Variants in FNBP1 observed in about 807,000 individuals in gnomAD.
FNBP1 encodes the protein formin-binding protein 1.
A neutral mutation model predicts 90.6 loss-of-function variants in FNBP1; 26 were observed. That is an observed-to-expected ratio of 0.29 (90% CI 0.21 to 0.40). The LOEUF is 0.40. Ranked by LOEUF, FNBP1 falls within the 10% of genes least tolerant of loss-of-function variation. FNBP1 has a pLI of 1.00. For missense variants in FNBP1, 635 were observed against 768.0 expected, an observed-to-expected ratio of 0.83 and a Z score of 2.05; for synonymous variants, 260 against 265.2, an observed-to-expected ratio of 0.98 and a Z score of 0.19.
chr9:129,935,723 G>A (rs1283827810), intron 6 of FNBP1, among the ~76,000 whole-genome samples: 4 of 151,878 alleles, frequency 2.6e-5, no homozygotes, highest in East Asian at 1.9e-4. Context: ...TCCTGACCTC[G>A]TGATCCGCCT....
At chr9:129,930,133 T>C (rs2042522737) in intron 6 of FNBP1, among the ~76,000 whole-genome samples, 1 of 151,892 alleles carries the variant, frequency 6.6e-6, no homozygotes, top group African/African-American at 2.4e-5. Flanking sequence ...CGATCCTGGC[T>C]CACTGCAGCC....
In FNBP1 at chr9:129,900,133, A is replaced by T; in HGVS notation, c.1551-32T>A. On this transcript the variant is annotated intron_variant, in intron 14 of 16. Coordinates refer to ENST00000446176, the MANE Select transcript of FNBP1 (RefSeq NM_015033.3). This position sits in a 1 kb window ranked among gnomAD's most constrained non-coding sequence, Gnocchi z 4.1. The stretch of plus-strand genomic sequence containing the variant: ...AAGAAAGGAAAACACAAAGCAACTA[A>T]AGCGACTGACCCCAGGGAGGACTCA... The T allele has an allele frequency of 6.4e-7, 1 of 1,568,682 alleles. No homozygotes were observed. Among genetic ancestry groups the T allele is most frequent in the South Asian group, 1.2e-5 (1 of 84,462 alleles).
At chr9:130,048,025 A>C (rs575382418), upstream of FNBP1, among the ~76,000 whole-genome samples, 1 of 152,224 alleles carries the variant, frequency 6.6e-6, no homozygotes, top group Non-Finnish European at 1.5e-5. Context: ...CTCATTGAGA[A>C]GACAGGGATC....
intron 1 of FNBP1, among the ~76,000 whole-genome samples, chr9:130,015,353 C>A (rs1377040879): frequency 6.6e-6 from 1 of 152,096 alleles, no homozygotes; most frequent in African/African-American, 2.4e-5. Context: ...ATGAGGAAAA[C>A]CAATAGGTCT....
intron 6 of FNBP1, among the ~76,000 whole-genome samples, chr9:129,944,530 A>G: frequency 8.6e-6 from 1 of 115,836 alleles, no homozygotes; most frequent in Admixed American, 9.8e-5. Context: ...ACAGAGCGAG[A>G]CTGCGTCTCA....
rs1374935886 is a variant in FNBP1 at position 129,923,824 on chromosome 9, G to A, written c.1170+20C>T. On this transcript the variant is annotated intron_variant, in intron 10 of 16. Coordinates refer to ENST00000446176, the MANE Select transcript of FNBP1 (RefSeq NM_015033.3). ...CAACCAAAGCACGCCAGAGAGACAG[G>A]ATTCCGGAGCAGAACTTACCCCACG... 2 of 1,552,014 alleles carry A rather than the reference G, an allele frequency of 1.3e-6. No individual in the cohort carries two copies. Among genetic ancestry groups the A allele is most frequent in the Non-Finnish European group, 1.7e-6 (2 of 1,151,672 alleles).
At chr9:129,897,170 A>T (rs2035921698) in intron 15 of FNBP1, among the ~76,000 whole-genome samples, 1 of 151,968 alleles carries the variant, frequency 6.6e-6, no homozygotes, top group Non-Finnish European at 1.5e-5. Flanking sequence ...GCCGTCTTGG[A>T]TTTCCTCTCC....
At chr9:130,000,053 C>T (rs1350505069) in intron 1 of FNBP1, among the ~76,000 whole-genome samples, 1 of 152,216 alleles carries the variant, frequency 6.6e-6, no homozygotes, top group Non-Finnish European at 1.5e-5. Context: ...CATAGCTTCT[C>T]AAAGGCTAGT....
At chr9:130,043,317 C>T (rs375258071), upstream of FNBP1, 1 of 191,708 alleles carries the variant, frequency 5.2e-6, no homozygotes, top group East Asian at 1.3e-4. Context: ...CTCCCCCGGG[C>T]TCCCCCGGCC....
At chr9:129,953,086 T>TA (rs1444632467) in intron 6 of FNBP1, among the ~76,000 whole-genome samples, 1 of 152,228 alleles carries the variant, frequency 6.6e-6, no homozygotes, top group Non-Finnish European at 1.5e-5. Context: ...TTCAATTACT[T>TA]ACAGAATATT....
chr9:130,028,549 G>C (rs1789093002), intron 1 of FNBP1, among the ~76,000 whole-genome samples: 2 of 151,908 alleles, frequency 1.3e-5, no homozygotes, highest in South Asian at 4.2e-4. Context: ...CTACTTCTAA[G>C]CCTATCAGAA....
intron 6 of FNBP1, among the ~76,000 whole-genome samples, chr9:129,934,605 T>C (rs1157999498): frequency 6.6e-6 from 1 of 151,086 alleles, no homozygotes; most frequent in Non-Finnish European, 1.5e-5. Context: ...AGAGTCTCAC[T>C]CTGTCGCCCA....
rs185208542 is a variant in FNBP1, at chr9:129,890,838, A to C, written c.1847-292T>G. Among the ~76,000 whole-genome samples, 1 of 152,234 alleles carries C rather than the reference A, an allele frequency of 6.6e-6. No homozygotes were observed. Among genetic ancestry groups the C allele is most frequent in the African/African-American group, 2.4e-5 (1 of 41,536 alleles). On this transcript the variant is annotated intron_variant, in intron 16 of 16. Transcript: ENST00000446176. The surrounding 1 kb of genome is among the most constrained non-coding windows in gnomAD (Gnocchi z 5.8). ...TCCGCCCCAACTCGTCTTTCTCATA[A>C]GTTTAGTTTTGAGAGAAAGTAAGAA...
At chr9:129,938,422 C>G (rs1284022633) in intron 6 of FNBP1, among the ~76,000 whole-genome samples, 2 of 151,830 alleles carry the variant, frequency 1.3e-5, no homozygotes, top group African/African-American at 2.4e-5. Context: ...AGGAGCTTGC[C>G]AAAACAATGA....
intron 1 of FNBP1, among the ~76,000 whole-genome samples, chr9:130,007,114 C>G (rs915625265): frequency 6.6e-6 from 1 of 150,514 alleles, no homozygotes; most frequent in Non-Finnish European, 1.5e-5. Flanking sequence ...TGGTGGCGCA[C>G]GCCTATAGTC....
At chr9:129,939,721 T>G (rs1400244504) in intron 6 of FNBP1, among the ~76,000 whole-genome samples, 1 of 152,070 alleles carries the variant, frequency 6.6e-6, no homozygotes, top group African/African-American at 2.4e-5. Flanking sequence ...AAAACCTCAC[T>G]GGGGGGATAC....
intron 6 of FNBP1, among the ~76,000 whole-genome samples, chr9:129,948,356 CTTTTTTTTTT>C (rs71385491): frequency 1.2e-4 from 8 of 64,430 alleles, no homozygotes; most frequent in Admixed American, 5.0e-4. Context: ...ATTTTGGTGT[CTTTTTTTTTT>C]TTTTTTTTTT....
intron 6 of FNBP1, among the ~76,000 whole-genome samples, chr9:129,941,669 T>C (rs2044345024): frequency 6.6e-6 from 1 of 152,176 alleles, no homozygotes; most frequent in African/African-American, 2.4e-5. Context: ...CTTCCTACGT[T>C]GCCCAGCCTG....
intron 3 of FNBP1, among the ~76,000 whole-genome samples, chr9:129,979,075 G>A (rs965836804): frequency 1.3e-5 from 2 of 152,128 alleles, no homozygotes; most frequent in Non-Finnish European, 2.9e-5. Flanking sequence ...CATACTTCCT[G>A]TTTTTGCTTA....
Sources: allele counts gnomAD v4.1 joint callset (sites outside exome capture counted in the v4.1 genomes callset), GRCh38; gene constraint gnomAD v4.1.1; non-coding constraint Gnocchi (gnomAD v3.1); transcripts MANE v1.5; gene names NCBI Gene and HGNC (gene_info 2026-07-23, HGNC 2026-07-21).